The following SLC25A48 variants were observed in gnomAD, a reference collection of about 807,000 sequenced individuals.
SLC25A48 encodes the protein CTC-321K16.1.
SLC25A48 carries 29 observed loss-of-function variants against 32.2 expected under a neutral mutation model. The ratio of observed to expected loss-of-function variants is 0.90; its 90% CI spans 0.67 to 1.23. The LOEUF (loss-of-function observed/expected upper bound fraction) is 1.23. SLC25A48 is among the 50% of genes most tolerant of loss of function. The pLI is 0.00. For synonymous variants in SLC25A48, 164 were observed against 172.3 expected (o/e 0.95, Z 0.38); for missense variants, 399 against 422.7 (o/e 0.94, Z 0.49).
intron 1 of SLC25A48, among the ~76,000 whole-genome samples, chr5:135,619,787 T>A (rs1401651848): frequency 6.6e-6 from 1 of 152,228 alleles, no homozygotes; most frequent in African/African-American, 2.4e-5. Flanking sequence ...TATGATTTTC[T>A]TGGTGGCTTG....
chr5:135,827,864 G>T (rs1315996518), intron 4 of SLC25A48, among the ~76,000 whole-genome samples: 1 of 152,054 alleles, frequency 6.6e-6, no homozygotes, highest in Non-Finnish European at 1.5e-5. Flanking sequence ...TCATCGAGGA[G>T]CTGGCATCTG....
intron 3 of SLC25A48, among the ~76,000 whole-genome samples, chr5:135,738,073 C>G (rs932830736): frequency 1.3e-5 from 2 of 152,158 alleles, no homozygotes; most frequent in African/African-American, 4.8e-5. Flanking sequence ...AGACTTTCCT[C>G]GATACTCTCA....
At position 135,581,922 on chromosome 5, in the gene SLC25A48, G is replaced by A. The variant is rs187885040; in HGVS notation, c.-849+2325G>A. On this transcript the variant is annotated intron_variant, in intron 1 of 10. Coordinates refer to the SLC25A48 transcript ENST00000646290. Reference sequence around the variant, plus strand: ...ACACCTTCAGGGCACAGACTGTCTAGTGAGCCCAAGCCGAGGGCCTCTGAG... The same window carrying A: ...ACACCTTCAGGGCACAGACTGTCTAATGAGCCCAAGCCGAGGGCCTCTGAG... 1.3e-4 allele frequency among the ~76,000 whole-genome samples: 20 copies of A among 152,350 alleles called. No individual in the cohort carries two copies. In the East Asian group the frequency reaches 3.9e-3, roughly 29 times the overall value.
At chr5:135,603,748 G>A (rs1202685924) in intron 1 of SLC25A48, among the ~76,000 whole-genome samples, 1 of 152,224 alleles carries the variant, frequency 6.6e-6, no homozygotes, top group African/African-American at 2.4e-5. Flanking sequence ...AGGAGAAGGC[G>A]TTCCTTTAGC....
At chr5:135,735,686 G>T (rs150354120) in intron 3 of SLC25A48, among the ~76,000 whole-genome samples, 2 of 152,164 alleles carry the variant, frequency 1.3e-5, no homozygotes, top group Non-Finnish European at 2.9e-5. Context: ...TGGAGCCAGC[G>T]GTTGTCAGTG....
intron 3 of SLC25A48, among the ~76,000 whole-genome samples, chr5:135,789,568 T>C (rs67621798): frequency 0.63 from 93,389 of 149,350 alleles, 32,742 homozygotes; most frequent in Non-Finnish European, 0.77. Context: ...TGTACAACCC[T>C]GTGCGATATG....
chr5:135,612,530 C>A (rs1430086082), intron 1 of SLC25A48, among the ~76,000 whole-genome samples: 1 of 152,144 alleles, frequency 6.6e-6, no homozygotes, highest in African/African-American at 2.4e-5. Flanking sequence ...TCTCTCCACC[C>A]CTGCCCTGCC....
At chr5:135,610,546 C>T (rs988323842) in intron 1 of SLC25A48, among the ~76,000 whole-genome samples, 3 of 152,130 alleles carry the variant, frequency 2.0e-5, no homozygotes, top group Non-Finnish European at 4.4e-5. Context: ...ATAATTTCAT[C>T]AGATATTAGG....
chr5:135,706,545 C>T (rs1387592611), intron 3 of SLC25A48, among the ~76,000 whole-genome samples: 1 of 152,128 alleles, frequency 6.6e-6, no homozygotes, highest in East Asian at 1.9e-4. Context: ...CAGCGCGTTG[C>T]CATTCTTTCT....
rs148302056 is a variant in SLC25A48, at chr5:135,715,704, C to T, written c.-521+80748C>T. ...AAACAAATTTCTTAAACTACTAATCCGTCAGCTCTATGCTAATGCCTCCTG... is the reference window on the plus strand; with the variant it reads ...AAACAAATTTCTTAAACTACTAATCTGTCAGCTCTATGCTAATGCCTCCTG... On this transcript the variant is annotated intron_variant, in intron 3 of 10. Coordinates refer to the SLC25A48 transcript ENST00000646290. 9.3e-4 allele frequency among the ~76,000 whole-genome samples: 141 copies of T among 152,344 alleles called. 1 individual carries two copies. Among genetic ancestry groups the T allele is most frequent in the African/African-American group, 3.2e-3 (133 of 41,574 alleles).
intron 1 of SLC25A48, among the ~76,000 whole-genome samples, chr5:135,609,049 G>A (rs1385032935): frequency 1.3e-5 from 2 of 152,210 alleles, no homozygotes; most frequent in East Asian, 3.8e-4. Flanking sequence ...TCCTGGAGGT[G>A]GAAGGGGCAT....
In SLC25A48 at chr5:135,871,681, C is replaced by T. The variant is rs1332401432; in HGVS notation, c.642C>T (p.Pro214=). Residue 214 remains proline (P), a synonymous_variant, in exon 5 of 8, where the codon CCC becomes CCT. Transcript: ENST00000681962. The stretch of plus-strand genomic sequence containing the variant: ...TCACACCTGAGGCCTGCACAGGCCC[C>T]AGCCCCTGTGCCGTGTGGCTGGCGG... ...EWITPEACTG[P]SPCAVWLAGG... 1.2e-6 allele frequency: 2 copies of T among 1,613,966 alleles called. No individual in the cohort carries two copies. The highest frequency in any genetic ancestry group is 1.7e-6 in the Non-Finnish European group (2 of 1,179,956).
chr5:135,754,341 T>C (rs946652057), intron 3 of SLC25A48, among the ~76,000 whole-genome samples: 3 of 152,092 alleles, frequency 2.0e-5, no homozygotes, highest in African/African-American at 7.2e-5. Flanking sequence ...ACAGGGTTAT[T>C]ATTGTGATAT....
intron 3 of SLC25A48, among the ~76,000 whole-genome samples, chr5:135,696,516 T>C (rs1317924741): frequency 1.3e-5 from 2 of 152,120 alleles, no homozygotes; most frequent in Non-Finnish European, 1.5e-5. Flanking sequence ...AATGAATGAA[T>C]GAATGAATGA....
rs574683752 is a variant in SLC25A48 at position 135,785,048 on chromosome 5, T to C, written c.-520-27475T>C. Among the ~76,000 whole-genome samples, 6 of 152,140 alleles carry C rather than the reference T, an allele frequency of 3.9e-5. No homozygotes were observed. The South Asian group carries it at 1.2e-3, about 32-fold the overall frequency. ...CAGGATGATATTACTCCCAATATCA[T>C]AGGAGATGTACACACGCACTCTAAT... On this transcript the variant is annotated intron_variant, in intron 3 of 10. Coordinates refer to the SLC25A48 transcript ENST00000646290.
intron 5 of SLC25A48, among the ~76,000 whole-genome samples, chr5:135,872,904 CA>C (rs1467121054): frequency 6.6e-6 from 1 of 152,238 alleles, no homozygotes; most frequent in Non-Finnish European, 1.5e-5. Context: ...TTCTGGCCCC[CA>C]GGTGCCTGTG....
At chr5:135,831,362 G>A (rs374671762), upstream of SLC25A48, among the ~76,000 whole-genome samples, 3 of 152,324 alleles carry the variant, frequency 2.0e-5, no homozygotes, top group South Asian at 6.2e-4. Flanking sequence ...TCAGGCCTGC[G>A]CCAGGCTCTG....
chr5:135,680,918 A>C (rs368767842), intron 3 of SLC25A48, among the ~76,000 whole-genome samples: 18 of 152,250 alleles, frequency 1.2e-4, no homozygotes, highest in African/African-American at 4.3e-4. Flanking sequence ...AAGTTGTCTC[A>C]CAGCCCATTG....
chr5:135,877,554 TCATC>T (rs1408354021), intron 6 of SLC25A48, among the ~76,000 whole-genome samples: 1 of 152,192 alleles, frequency 6.6e-6, no homozygotes, highest in African/African-American at 2.4e-5. Context: ...ATTCATTTAC[TCATC>T]CATCCATCCA....
Sources: allele counts gnomAD v4.1 joint callset (sites outside exome capture counted in the v4.1 genomes callset), GRCh38; gene constraint gnomAD v4.1.1; transcripts MANE v1.5; gene names NCBI Gene and HGNC (gene_info 2026-07-23, HGNC 2026-07-21).